The following DTWD2 variants were observed in gnomAD, a reference collection of about 807,000 sequenced individuals.
DTWD2 encodes the protein DTW motif tRNA-uridine aminocarboxypropyltransferase 2, also known as tRNA-uridine aminocarboxypropyltransferase 2.
DTWD2 carries 39 observed loss-of-function variants against 31.8 expected under a neutral mutation model. The ratio of observed to expected loss-of-function variants is 1.22; its 90% confidence interval spans 0.95 to 1.60. The LOEUF is 1.60. Ranked by LOEUF, DTWD2 falls within the 40% of genes most tolerant of loss-of-function variation. DTWD2 has a pLI of 0.00. For missense variants in DTWD2, 515 were observed against 381.5 expected (o/e 1.35, Z -2.92); for synonymous variants, 180 against 142.8 (o/e 1.26, Z -1.86).
In DTWD2 at chr5:118,985,051, G is replaced by C. The variant is rs1755393338; in HGVS notation, c.218+3243C>G. On this transcript the variant is annotated intron_variant, in intron 1 of 5. Transcript: ENST00000510708. ...TGGCTTGTTGGGTTATAGAGCATTA[G>C]GCCCAAACTCCCTGACATAGTTTAT... Among the ~76,000 whole-genome samples, 2 of 151,970 alleles carry C rather than the reference G, an allele frequency of 1.3e-5. 1 individual carries two copies. Among genetic ancestry groups the C allele is most frequent in the South Asian group, 4.2e-4 (2 of 4,810 alleles).
At chr5:118,887,449 A>C (rs1427087840) in intron 4 of DTWD2, among the ~76,000 whole-genome samples, 2 of 152,218 alleles carry the variant, frequency 1.3e-5, no homozygotes, top group African/African-American at 4.8e-5. Context: ...GTAAAGATCT[A>C]CACTATTACA....
intron 2 of DTWD2, among the ~76,000 whole-genome samples, chr5:118,939,942 G>C (rs1754143412): frequency 6.6e-6 from 1 of 152,152 alleles, no homozygotes; most frequent in Non-Finnish European, 1.5e-5. Context: ...ATAAATGGGG[G>C]AGAAGAAACA....
At chr5:118,915,230 T>C (rs1753547139) in intron 4 of DTWD2, among the ~76,000 whole-genome samples, 3 of 151,916 alleles carry the variant, frequency 2.0e-5, no homozygotes, top group Admixed American at 6.6e-5. Context: ...AATACATATA[T>C]TTTTCTTAAT....
chr5:118,870,512 C>G (rs897929138), intron 4 of DTWD2, among the ~76,000 whole-genome samples: 3 of 152,182 alleles, frequency 2.0e-5, no homozygotes, highest in South Asian at 2.1e-4. Flanking sequence ...TTTCCCAGCA[C>G]ATATAAAAGT....
At chr5:118,880,675 CTAGT>C (rs1321301472) in intron 4 of DTWD2, among the ~76,000 whole-genome samples, 13 of 152,188 alleles carry the variant, frequency 8.5e-5, no homozygotes, top group African/African-American at 2.9e-4. Context: ...GGCTATCAAA[CTAGT>C]TATTTATTTT....
chr5:118,929,049 T>C (rs1226496505), intron 3 of DTWD2, among the ~76,000 whole-genome samples: 2 of 152,220 alleles, frequency 1.3e-5, no homozygotes, highest in Non-Finnish European at 2.9e-5. Flanking sequence ...TAATACTTCA[T>C]GTGTAATCTG....
intron 5 of DTWD2, among the ~76,000 whole-genome samples, chr5:118,842,443 C>T (rs190976224): frequency 6.6e-6 from 1 of 152,232 alleles, no homozygotes; most frequent in African/African-American, 2.4e-5. Flanking sequence ...CATGTGACTA[C>T]TAGGCAACAA....
At chr5:118,961,215 G>T (rs540104572) in intron 1 of DTWD2, among the ~76,000 whole-genome samples, 1 of 152,168 alleles carries the variant, frequency 6.6e-6, no homozygotes, top group African/African-American at 2.4e-5. Flanking sequence ...TGTGATGACA[G>T]TTATGGATCA....
At chr5:118,849,117 A>G (rs1336451306) in intron 4 of DTWD2, among the ~76,000 whole-genome samples, 1 of 152,228 alleles carries the variant, frequency 6.6e-6, no homozygotes, top group African/African-American at 2.4e-5. Context: ...AAATTTTGCA[A>G]TCTGTCCATC....
intron 3 of DTWD2, among the ~76,000 whole-genome samples, chr5:118,931,979 C>T (rs774257198): frequency 3.9e-5 from 6 of 152,072 alleles, no homozygotes; most frequent in Non-Finnish European, 7.4e-5. Flanking sequence ...AAGTAAACCA[C>T]GGGTCAAGAG....
Position 118,916,166 on chromosome 5 carries a change from A to C in DTWD2, c.597+12371T>G, listed in dbSNP as rs1204195446. ...AAGCATTCAGACCCACAGTATGAAG[A>C]CTGTTGGATAAAAAGGTTAGCTGTA... is the stretch of plus-strand genomic sequence containing the variant. On this transcript the variant is annotated intron_variant, in intron 4 of 5. Transcript: ENST00000510708. Among the ~76,000 whole-genome samples, 4 of 152,346 alleles carry C rather than the reference A, an allele frequency of 2.6e-5. No individual in the cohort carries two copies. The East Asian group carries it at 7.7e-4, about 29-fold the overall frequency.
At chr5:118,866,958 T>C (rs1752394744) in intron 4 of DTWD2, among the ~76,000 whole-genome samples, 3 of 151,784 alleles carry the variant, frequency 2.0e-5, no homozygotes, top group Admixed American at 2.0e-4. Flanking sequence ...ACAAATTCAA[T>C]ATGATTTCAA....
intron 1 of DTWD2, among the ~76,000 whole-genome samples, chr5:118,962,527 CAAA>C (rs898188185): frequency 6.7e-6 from 1 of 149,034 alleles, no homozygotes; most frequent in East Asian, 2.0e-4. Context: ...CTTCTGAATC[CAAA>C]AAAAAATCCT....
chr5:118,902,791 C>T (rs1447694257), intron 4 of DTWD2, among the ~76,000 whole-genome samples: 2 of 151,966 alleles, frequency 1.3e-5, no homozygotes, highest in Non-Finnish European at 2.9e-5. Flanking sequence ...CAAATGGTTG[C>T]CATATGGATC....
intron 2 of DTWD2, among the ~76,000 whole-genome samples, chr5:118,940,661 A>G (rs1185119658): frequency 2.0e-5 from 3 of 152,356 alleles, no homozygotes; most frequent in East Asian, 1.9e-4. Context: ...AGAGAGAAAT[A>G]TATCTTTTGT....
intron 4 of DTWD2, among the ~76,000 whole-genome samples, chr5:118,918,682 C>T (rs115427485): frequency 0.03 from 4,623 of 152,176 alleles, 203 homozygotes; most frequent in African/African-American, 0.092. Context: ...GCCAACACCA[C>T]TCTTGCATCA....
rs953683896 is a variant in DTWD2, at chr5:118,974,174, A to T, written c.218+14120T>A. Reference sequence around the variant, plus strand: ...CTAAAAAAAAAGGCCGCCTTGACCTATTCACCCTCCACTTCCCGTCTCAGA... The same window carrying T: ...CTAAAAAAAAAGGCCGCCTTGACCTTTTCACCCTCCACTTCCCGTCTCAGA... On this transcript the variant is annotated intron_variant, in intron 1 of 5. Coordinates refer to ENST00000510708, the MANE Select transcript of DTWD2 (RefSeq NM_173666.4). 75 of 1,465,554 alleles carry T rather than the reference A, an allele frequency of 5.1e-5. No individual in the cohort carries two copies. In the Middle Eastern group the frequency reaches 7.1e-4, roughly 14 times the overall value. 90.8% of individuals were successfully genotyped at this position (1,465,554 alleles called of 1,614,324 possible). A position where few individuals can be genotyped will look rare whatever the true frequency, so the allele number is the denominator to read the frequency against.
At chr5:118,880,685 A>AT (rs1244154830) in intron 4 of DTWD2, among the ~76,000 whole-genome samples, 1 of 152,076 alleles carries the variant, frequency 6.6e-6, no homozygotes, top group Non-Finnish European at 1.5e-5. Context: ...CTAGTTATTT[A>AT]TTTTTTACAT....
chr5:118,942,757 T>C (rs1305801479), intron 2 of DTWD2, among the ~76,000 whole-genome samples: 1 of 152,088 alleles, frequency 6.6e-6, no homozygotes, highest in Non-Finnish European at 1.5e-5. Flanking sequence ...CCATACTGTG[T>C]ATACTGCAAA....
Sources: allele counts gnomAD v4.1 joint callset (sites outside exome capture counted in the v4.1 genomes callset), GRCh38; gene constraint gnomAD v4.1.1; transcripts MANE v1.5; gene names NCBI Gene and HGNC (gene_info 2026-07-23, HGNC 2026-07-21).